The following ADGB variants were observed in gnomAD, a reference collection of about 807,000 sequenced individuals.
ADGB encodes the protein androglobin.
ADGB carries 172 observed loss-of-function variants against 210.5 expected under a neutral mutation model. The ratio of observed to expected loss-of-function variants is 0.82; its 90% CI spans 0.72 to 0.93. The LOEUF (loss-of-function observed/expected upper bound fraction) is 0.93. Ranked by LOEUF, ADGB falls within the 40% of genes least tolerant of loss-of-function variation. The pLI, the probability that ADGB is intolerant of heterozygous loss-of-function variation, is 0.00. For missense variants in ADGB, 2,025 were observed against 1,964.8 expected, an observed-to-expected ratio of 1.03 and a Z score of -0.58; for synonymous variants, 658 against 662.7, an observed-to-expected ratio of 0.99 and a Z score of 0.11.
chr6:146,765,148 G>C (rs1033365099), intron 28 of ADGB, among the ~76,000 whole-genome samples: 1 of 151,916 alleles, frequency 6.6e-6, no homozygotes, highest in Non-Finnish European at 1.5e-5. Context: ...ATAAAAGGTA[G>C]AATAAATCAA....
chr6:146,811,364 T>C (rs1778299834), intron 35 of ADGB, among the ~76,000 whole-genome samples: 1 of 152,086 alleles, frequency 6.6e-6, no homozygotes, highest in Non-Finnish European at 1.5e-5. Context: ...TAACATTCCA[T>C]GGTACAAATA....
chr6:146,664,222 A>G lies in ADGB; in HGVS notation c.634A>G (p.Ile212Val). ...TTAGGGTTGCTGGAGAAAGATAACA[A>G]TTGATGACTTTTTGCCTTTTGATGA... The part of the protein sequence containing the change: ...YWMGCWRKIT[I>V]DDFLPFDEDN... The change falls in exon 6 of 36, where the codon ATT (isoleucine) becomes GTT (valine). Residue 212 changes from isoleucine to valine, a missense_variant. Transcript: ENST00000397944. The G allele has an allele frequency of 6.5e-7, 1 of 1,547,860 alleles. No individual in the cohort carries two copies. Among genetic ancestry groups the G allele is most frequent in the South Asian group, 1.2e-5 (1 of 83,420 alleles).
chr6:146,730,655 A>G (rs1776967629), intron 20 of ADGB, among the ~76,000 whole-genome samples: 1 of 152,238 alleles, frequency 6.6e-6, no homozygotes, highest in Non-Finnish European at 1.5e-5. Context: ...GATGATTAAC[A>G]TTTCAAATAA....
rs1778243913 is a variant in ADGB, at chr6:146,808,249, A to G, written c.4818+6238A>G. Among the ~76,000 whole-genome samples the G allele has an allele frequency of 2.6e-5, 4 of 152,240 alleles. No individual in the cohort carries two copies. In the South Asian group the frequency reaches 8.3e-4, roughly 32 times the overall value. The stretch of plus-strand genomic sequence containing the variant: ...TCCTAACCTCAAGTGATCTGCGCGC[A>G]TCGGCCTCCCAAAGTGCTGGGAATA... On this transcript the variant is annotated intron_variant, in intron 35 of 35. Transcript: ENST00000397944.
At chr6:146,800,506 T>C (rs1778112468) in intron 33 of ADGB, among the ~76,000 whole-genome samples, 1 of 150,878 alleles carries the variant, frequency 6.6e-6, no homozygotes, top group African/African-American at 2.5e-5. Context: ...GGTTGAATTT[T>C]ATATGTGTAA....
chr6:146,599,745 T>C (rs73588029), intron 1 of ADGB, among the ~76,000 whole-genome samples: 2,733 of 152,326 alleles, frequency 0.018, 68 homozygotes, highest in African/African-American at 0.062. Context: ...TCTTAGGATG[T>C]ACTTCCCCAT....
chr6:146,730,280 G>C lies in ADGB; in HGVS notation c.2520+1539G>C, dbSNP rs201952985. ...GACCTGTTCACAAGGCAGAAGAAAAGGAAAACAATTTACTGTTGAATGAAG... is the reference window on the plus strand; with the variant it reads ...GACCTGTTCACAAGGCAGAAGAAAACGAAAACAATTTACTGTTGAATGAAG... On this transcript the variant is annotated intron_variant, in intron 20 of 35. Coordinates refer to ENST00000397944, the MANE Select transcript of ADGB (RefSeq NM_024694.4). Among the ~76,000 whole-genome samples, 94 of 152,202 alleles carry C rather than the reference G, an allele frequency of 6.2e-4. No homozygotes were observed. The East Asian group carries it at 7.9e-3, about 13-fold the overall frequency.
In ADGB at chr6:146,657,110, A is replaced by C. The variant is rs139457641; in HGVS notation, c.612+130A>C. The C allele has an allele frequency of 6.9e-4, 554 of 806,444 alleles. 3 individuals carry two copies. In the African/African-American group the frequency reaches 8.5e-3, roughly 12 times the overall value. The allele number at this position is 806,444 out of a possible 1,614,324, so 50.0% of individuals were successfully genotyped here. On this transcript the variant is annotated intron_variant, in intron 5 of 35. Transcript: ENST00000397944. ...AAAGGCCAAGGCAGTGGATCACCTG[A>C]GATCAGGAGTTCGCAACCAGCCTGG...
chr6:146,779,691 A>C (rs1777771753), intron 29 of ADGB, among the ~76,000 whole-genome samples: 1 of 152,120 alleles, frequency 6.6e-6, no homozygotes, highest in African/African-American at 2.4e-5. Context: ...ATTATCAACC[A>C]AGAATTTTCT....
At position 146,782,202 on chromosome 6, in the gene ADGB, G is replaced by GA. The variant is rs750872960; in HGVS notation, c.4035+12dup. On this transcript the variant is annotated intron_variant, in intron 30 of 35. Transcript: ENST00000397944. ...TCGCTTTGAGCCTCAGGTGGGTGTG[G>GA]AATTTTTTTTATTTGAGTGACTTAA... 3 of 1,510,646 alleles carry GA rather than the reference G, an allele frequency of 2.0e-6. No homozygotes were observed. Among genetic ancestry groups the GA allele is most frequent in the African/African-American group, 1.4e-5 (1 of 70,514 alleles). The allele number at this position is 1,510,646 out of a possible 1,614,324, so 93.6% of individuals were successfully genotyped here.
intron 1 of ADGB, 28 bp from the exon 2 acceptor site, chr6:146,635,347 A>C: frequency 7.1e-7 from 1 of 1,400,408 alleles, no homozygotes. Context: ...AATTAAACCT[A>C]ACCCACCCAC....
intron 33 of ADGB, among the ~76,000 whole-genome samples, chr6:146,797,376 TATGA>T (rs1409407028): frequency 7.2e-5 from 11 of 152,138 alleles, no homozygotes. Flanking sequence ...GAAGTCACTA[TATGA>T]AAAAGACACT....
chr6:146,742,792 G>A (rs1367942029), intron 25 of ADGB, among the ~76,000 whole-genome samples: 1 of 152,004 alleles, frequency 6.6e-6, no homozygotes, highest in Non-Finnish European at 1.5e-5. Context: ...TCCAACCTGC[G>A]GCCCATAGGC....
chr6:146,743,894 A>G (rs1777192972), intron 25 of ADGB, among the ~76,000 whole-genome samples: 1 of 150,208 alleles, frequency 6.7e-6, no homozygotes. Context: ...AGCCTGGGTG[A>G]CAAGAGCGAA....
chr6:146,642,130 T>C (rs1476008764), intron 2 of ADGB, among the ~76,000 whole-genome samples: 2 of 152,038 alleles, frequency 1.3e-5, no homozygotes, highest in African/African-American at 4.8e-5. Context: ...AAAGAAGTCA[T>C]ATATGCAGCC....
intron 13 of ADGB, among the ~76,000 whole-genome samples, chr6:146,704,499 T>C (rs1293572995): frequency 2.0e-5 from 3 of 152,044 alleles, no homozygotes; most frequent in Admixed American, 2.0e-4. Flanking sequence ...TTGTATATGG[T>C]ATGAGGTGAC....
intron 27 of ADGB, among the ~76,000 whole-genome samples, chr6:146,760,443 CTATCTA>C (rs1777469626): frequency 2.3e-5 from 2 of 88,796 alleles, no homozygotes; most frequent in African/African-American, 8.8e-5. Flanking sequence ...TATTCTATTT[CTATCTA>C]TGTTTCTGAG....
rs1385684057 is a variant in ADGB, at chr6:146,697,557, G to A, written c.1578-3384G>A. 2.0e-5 allele frequency among the ~76,000 whole-genome samples: 3 copies of A among 152,162 alleles called. No individual in the cohort carries two copies. The East Asian group carries it at 5.8e-4, about 29-fold the overall frequency. On this transcript the variant is annotated intron_variant, in intron 12 of 35. Transcript: ENST00000397944. ...AAGAACACATTAGATACAGACTAAA[G>A]GAGAATAAGCAAAGTTGAAAATAGA... is the stretch of plus-strand genomic sequence containing the variant.
chr6:146,758,079 T>C (rs991109762), intron 27 of ADGB, among the ~76,000 whole-genome samples: 1 of 152,100 alleles, frequency 6.6e-6, no homozygotes, highest in African/African-American at 2.4e-5. Context: ...CCATCACTTG[T>C]CCTTCACCCC....
Sources: gnomAD v4.1 joint callset for allele counts (sites outside exome capture counted in the v4.1 genomes callset) on GRCh38, gnomAD v4.1.1 for gene constraint, MANE v1.5 for transcripts, NCBI Gene and HGNC (gene_info 2026-07-23, HGNC 2026-07-21) for gene names.